The following RBFOX1 variants were observed in gnomAD, a reference collection of about 807,000 sequenced individuals.
RBFOX1 encodes the protein RNA binding protein fox-1 homolog 1.
A neutral mutation model predicts 57.7 loss-of-function variants in RBFOX1; 8 were observed. The ratio of observed to expected loss-of-function variants is 0.14; its 90% CI spans 0.08 to 0.25. The LOEUF is 0.25. RBFOX1 is among the 10% of genes least tolerant of loss of function. The pLI is 1.00. For synonymous variants in RBFOX1, 326 were observed against 222.4 expected, an observed-to-expected ratio of 1.47 and a Z score of -4.15; for missense variants, 611 against 548.5, an observed-to-expected ratio of 1.11 and a Z score of -1.14.
At chr16:5,966,642 A>G (rs7184600) in intron 4 of RBFOX1, among the ~76,000 whole-genome samples, 5,222 of 152,180 alleles carry the variant, frequency 0.034, 316 homozygotes, top group African/African-American at 0.12. Flanking sequence ...TTAGTAGACA[A>G]GGTTTCGCCA....
intron 4 of RBFOX1, among the ~76,000 whole-genome samples, chr16:7,312,899 G>C (rs1410288768): frequency 9.0e-6 from 1 of 111,324 alleles, no homozygotes; most frequent in South Asian, 2.8e-4. Flanking sequence ...GTCTGGGAGA[G>C]TCTGGCGGAG....
intron 1 of RBFOX1, among the ~76,000 whole-genome samples, chr16:6,061,585 T>C (rs1380792668): frequency 3.3e-5 from 5 of 151,768 alleles, no homozygotes; most frequent in African/African-American, 1.2e-4. Context: ...GTATATGTGC[T>C]ATATTTACTA....
chr16:6,009,954 C>G (rs919663347), intron 4 of RBFOX1, among the ~76,000 whole-genome samples: 1 of 152,148 alleles, frequency 6.6e-6, no homozygotes. Context: ...CTTACATACA[C>G]TGCAGTTGGA....
chr16:6,441,377 G>T (rs1191849582), intron 2 of RBFOX1, among the ~76,000 whole-genome samples: 1 of 151,990 alleles, frequency 6.6e-6, no homozygotes, highest in Non-Finnish European at 1.5e-5. Context: ...CTGCTTGTCA[G>T]CTTCGTTTTA....
intron 2 of RBFOX1, among the ~76,000 whole-genome samples, chr16:5,538,904 C>T (rs948559009): frequency 1.2e-4 from 18 of 151,798 alleles, no homozygotes; most frequent in African/African-American, 4.4e-4. Flanking sequence ...TTGATTCTGA[C>T]ACCTTGCACA....
At chr16:5,376,563 G>A (rs867340129) in intron 1 of RBFOX1, among the ~76,000 whole-genome samples, 1 of 152,160 alleles carries the variant, frequency 6.6e-6, no homozygotes, top group South Asian at 2.1e-4. Flanking sequence ...GATGAAGGAA[G>A]GGGTGGTGCA....
chr16:6,765,774 T>C (rs763978791), intron 3 of RBFOX1, among the ~76,000 whole-genome samples: 1 of 152,184 alleles, frequency 6.6e-6, no homozygotes, highest in Non-Finnish European at 1.5e-5. Flanking sequence ...GAAAATATGG[T>C]ATATTCACCT....
rs141249495 is a variant in RBFOX1, at chr16:5,632,884, G to T, written c.318+33923G>T. ...TTTCTCCACTGTGGCTAAGAAAACT[G>T]GGCTGGGAACACAACCCAGGTCACC... On this transcript the variant is annotated intron_variant, in intron 3 of 19. Transcript: ENST00000641259. Among the ~76,000 whole-genome samples the T allele has an allele frequency of 7.3e-5, 11 of 151,578 alleles. No individual in the cohort carries two copies. In the East Asian group the frequency reaches 1.9e-3, roughly 27 times the overall value.
chr16:5,516,037 T>C (rs1357756817), intron 2 of RBFOX1, among the ~76,000 whole-genome samples: 1 of 152,156 alleles, frequency 6.6e-6, no homozygotes, highest in Non-Finnish European at 1.5e-5. Flanking sequence ...CTCAACTGTT[T>C]CCCAAGGTAG....
At chr16:6,511,305 T>C (rs1012260334) in intron 2 of RBFOX1, among the ~76,000 whole-genome samples, 1 of 152,202 alleles carries the variant, frequency 6.6e-6, no homozygotes, top group African/African-American at 2.4e-5. Flanking sequence ...TCACTTTGGC[T>C]TGACACATGC....
chr16:7,420,092 C>G (rs1421154421), intron 4 of RBFOX1, among the ~76,000 whole-genome samples: 1 of 152,052 alleles, frequency 6.6e-6, no homozygotes, highest in Admixed American at 6.5e-5. Context: ...TGTTGTCAGC[C>G]TTCCTGTTCA....
At chr16:6,859,143 A>ATATATATACG (rs1555536792) in intron 3 of RBFOX1, among the ~76,000 whole-genome samples, 1,839 of 87,762 alleles carry the variant, frequency 0.021, 76 homozygotes, top group Admixed American at 0.044. Flanking sequence ...ATATATACGT[A>ATATATATACG]TATATATATG....
At chr16:6,459,671 T>C (rs2094863460) in intron 2 of RBFOX1, among the ~76,000 whole-genome samples, 1 of 151,630 alleles carries the variant, frequency 6.6e-6, no homozygotes, top group South Asian at 2.1e-4. Flanking sequence ...GTCTTTAGAG[T>C]CAATACTTAA....
intron 2 of RBFOX1, among the ~76,000 whole-genome samples, chr16:6,442,009 T>TG (rs891558322): frequency 2.0e-5 from 3 of 152,208 alleles, no homozygotes; most frequent in Non-Finnish European, 4.4e-5. Flanking sequence ...TTCTAAAGAT[T>TG]GCTCTGAGGA....
At chr16:7,242,980 C>G (rs544203277) in intron 4 of RBFOX1, among the ~76,000 whole-genome samples, 13 of 152,058 alleles carry the variant, frequency 8.5e-5, no homozygotes, top group South Asian at 2.1e-4. Context: ...TGTTCTCTTC[C>G]TCCTCCTCCT....
chr16:7,667,580 C>A (rs970210081), intron 13 of RBFOX1, among the ~76,000 whole-genome samples: 2 of 152,138 alleles, frequency 1.3e-5, no homozygotes, highest in Admixed American at 1.3e-4. Context: ...CCTTCAAGCT[C>A]GTTAAAAGTA....
intron 4 of RBFOX1, among the ~76,000 whole-genome samples, chr16:5,953,343 T>C (rs1194983888): frequency 1.3e-5 from 2 of 152,194 alleles, no homozygotes; most frequent in African/African-American, 2.4e-5. Flanking sequence ...ATTATTTCCA[T>C]AGGTTATTTG....
At chr16:6,118,828 C>G (rs1234996319) in intron 1 of RBFOX1, among the ~76,000 whole-genome samples, 1 of 151,110 alleles carries the variant, frequency 6.6e-6, no homozygotes, top group African/African-American at 2.4e-5. Context: ...CCTCCTTCCT[C>G]TTTCTCTCTT....
intron 4 of RBFOX1, among the ~76,000 whole-genome samples, chr16:7,246,047 G>C (rs527961959): frequency 2.0e-5 from 3 of 152,272 alleles, no homozygotes; most frequent in Admixed American, 6.5e-5. Flanking sequence ...TTAGATGAAT[G>C]ATTAATTCCA....
Sources: gnomAD v4.1 joint callset for allele counts (sites outside exome capture counted in the v4.1 genomes callset) on GRCh38, gnomAD v4.1.1 for gene constraint, MANE v1.5 for transcripts, NCBI Gene and HGNC (gene_info 2026-07-23, HGNC 2026-07-21) for gene names.